PPM1E: variants seen among roughly 807,000 people sequenced by gnomAD.
PPM1E encodes the protein protein phosphatase 1E.
Under a neutral mutation model 65.9 loss-of-function variants are expected in PPM1E, and 20 were observed. The observed-to-expected ratio is 0.30, with a 90% CI of 0.21 to 0.44. The LOEUF (loss-of-function observed/expected upper bound fraction) is 0.44, where lower values mean the gene tolerates loss of function less well. PPM1E is among the 20% of genes least tolerant of loss of function. PPM1E has a pLI of 1.00. For missense variants in PPM1E, 713 were observed against 953.1 expected (o/e 0.75, Z 3.32); for synonymous variants, 352 against 374.9 (o/e 0.94, Z 0.70).
chr17:58,939,034 C>T (rs1312182826), intron 1 of PPM1E, among the ~76,000 whole-genome samples: 1 of 151,964 alleles, frequency 6.6e-6, no homozygotes, highest in Non-Finnish European at 1.5e-5. Flanking sequence ...GTAATCCACC[C>T]ACCTCAGCCT....
rs188427503 is a variant in PPM1E, at chr17:58,983,112, G to T, written c.*2081G>T. The T allele has an allele frequency of 1.2e-4, 69 of 558,584 alleles. No individual in the cohort carries two copies. The African/African-American group carries it at 1.3e-3, about 10-fold the overall frequency. The allele number at this position is 558,584 out of a possible 1,614,324, so 34.6% of individuals were successfully genotyped here. A position where few individuals can be genotyped will look rare whatever the true frequency, so the allele number is the denominator to read the frequency against. Reference sequence around the variant, plus strand: ...GGCTTTCTCAGTGGGGAAAAAAATGGCTGGATAGAACTGGGACAAACACAG... The same window carrying T: ...GGCTTTCTCAGTGGGGAAAAAAATGTCTGGATAGAACTGGGACAAACACAG... On this transcript the variant is annotated 3_prime_UTR_variant, in exon 7 of 7. Transcript: ENST00000308249.
At chr17:58,971,695 C>T (rs2030637061) in intron 4 of PPM1E, among the ~76,000 whole-genome samples, 1 of 152,122 alleles carries the variant, frequency 6.6e-6, no homozygotes, top group Non-Finnish European at 1.5e-5. Flanking sequence ...AGCTAGGACT[C>T]TCCCACTGAA....
intron 5 of PPM1E, among the ~76,000 whole-genome samples, chr17:58,972,575 T>G (rs964726510): frequency 5.3e-5 from 8 of 152,190 alleles, no homozygotes; most frequent in Non-Finnish European, 5.9e-5. Context: ...GGTCTTGAAC[T>G]CCTGACTTCA....
intron 1 of PPM1E, among the ~76,000 whole-genome samples, chr17:58,775,730 A>T (rs1772662665): frequency 6.6e-6 from 1 of 150,522 alleles, no homozygotes; most frequent in Non-Finnish European, 1.5e-5. Flanking sequence ...CTGGCTAACA[A>T]GGTGAAACCC....
intron 1 of PPM1E, among the ~76,000 whole-genome samples, chr17:58,927,377 G>A (rs916878025): frequency 6.6e-6 from 1 of 151,836 alleles, no homozygotes; most frequent in African/African-American, 2.4e-5. Flanking sequence ...TGATCTGCCC[G>A]CCTTGGCCTC....
At chr17:58,879,836 C>A (rs1456437873) in intron 1 of PPM1E, among the ~76,000 whole-genome samples, 1 of 152,084 alleles carries the variant, frequency 6.6e-6, no homozygotes, top group Non-Finnish European at 1.5e-5. Context: ...ATTTGGGCTT[C>A]AACTTTATTC....
chr17:58,833,471 CAT>C (rs2050624592), intron 1 of PPM1E, among the ~76,000 whole-genome samples: 1 of 151,710 alleles, frequency 6.6e-6, no homozygotes, highest in African/African-American at 2.4e-5. Flanking sequence ...TAAGTGAGAA[CAT>C]GTGGTATTTG....
At chr17:58,938,043 A>T (rs1247693836) in intron 1 of PPM1E, among the ~76,000 whole-genome samples, 2 of 152,174 alleles carry the variant, frequency 1.3e-5, no homozygotes, top group East Asian at 1.9e-4. Flanking sequence ...ATAAAGCAGA[A>T]TATTCCTAAT....
At chr17:58,979,904 G>A (rs754082008) in intron 6 of PPM1E, 70 bp from the exon 7 acceptor site, 8 of 1,211,694 alleles carry the variant, frequency 6.6e-6, no homozygotes, top group East Asian at 2.4e-5. Context: ...TCATGGCATT[G>A]GTCATAAACG....
chr17:58,782,011 T>C (rs1331842758), intron 1 of PPM1E, among the ~76,000 whole-genome samples: 1 of 152,216 alleles, frequency 6.6e-6, no homozygotes, highest in Non-Finnish European at 1.5e-5. Flanking sequence ...GTTATTTGTT[T>C]AGTAAATATA....
chr17:58,921,961 A>G (rs1598651028), intron 1 of PPM1E, among the ~76,000 whole-genome samples: 1 of 150,334 alleles, frequency 6.7e-6, no homozygotes, highest in African/African-American at 2.5e-5. Context: ...AATTGCTTGA[A>G]CCCGGGAGGC....
At chr17:58,894,547 C>T (rs2051388175) in intron 1 of PPM1E, among the ~76,000 whole-genome samples, 1 of 152,056 alleles carries the variant, frequency 6.6e-6, no homozygotes, top group Non-Finnish European at 1.5e-5. Flanking sequence ...GTGAAAATGT[C>T]ACCACAATAA....
intron 6 of PPM1E, among the ~76,000 whole-genome samples, chr17:58,979,506 T>C (rs2031237846): frequency 6.6e-6 from 1 of 152,232 alleles, no homozygotes; most frequent in Non-Finnish European, 1.5e-5. Context: ...ACAAAAATTA[T>C]TTAATGAAGA....
chr17:58,980,726 G>C lies in PPM1E; in HGVS notation c.1963G>C (p.Glu655Gln), dbSNP rs1210455611. 1.2e-6 allele frequency: 2 copies of C among 1,614,060 alleles called. No homozygotes were observed. The highest frequency in any genetic ancestry group is 4.5e-5 in the East Asian group (2 of 44,902). ...TCCTGTCTGTTCAGGGTTGGAAAATGAACAGTTCAAATCCCCGGGAAACAG... is the reference window on the plus strand; with the variant it reads ...TCCTGTCTGTTCAGGGTTGGAAAATCAACAGTTCAAATCCCCGGGAAACAG... ...LSPVCSGLENEQFKSPGNRVS... is the reference protein window; with the variant it reads ...LSPVCSGLENQQFKSPGNRVS... The change falls in exon 7 of 7, where the codon GAA (glutamate) becomes CAA (glutamine). Residue 655 changes from glutamate to glutamine, a missense_variant. Coordinates refer to ENST00000308249, the MANE Select transcript of PPM1E (RefSeq NM_014906.5). The surrounding 1 kb of genome is among the most constrained non-coding windows in gnomAD (Gnocchi z 4.7).
At chr17:58,827,059 T>C (rs1312319412) in intron 1 of PPM1E, among the ~76,000 whole-genome samples, 1 of 152,044 alleles carries the variant, frequency 6.6e-6, no homozygotes, top group Non-Finnish European at 1.5e-5. Context: ...TATTTAGATC[T>C]GCTGGCTAGG....
rs1473982904 is a variant in PPM1E at position 58,985,130 on chromosome 17, T to C, written c.*4099T>C. 2 of 152,662 alleles carry C rather than the reference T, an allele frequency of 1.3e-5. No homozygotes were observed. Among genetic ancestry groups the C allele is most frequent in the Admixed American group, 6.5e-5 (1 of 15,288 alleles). The allele number at this position is 152,662 out of a possible 1,614,324, so 9.5% of individuals were successfully genotyped here. A position where few individuals can be genotyped will look rare whatever the true frequency, so the allele number is the denominator to read the frequency against. On this transcript the variant is annotated 3_prime_UTR_variant, in exon 7 of 7. Transcript: ENST00000308249. ...AAAGTGTTCATTCAGGTAAGGTGTATGTTGAAATTTTGCCAATTATCTTAA... is the reference window on the plus strand; with the variant it reads ...AAAGTGTTCATTCAGGTAAGGTGTACGTTGAAATTTTGCCAATTATCTTAA...
chr17:58,774,157 T>TG (rs1232504889), intron 1 of PPM1E, among the ~76,000 whole-genome samples: 3 of 144,318 alleles, frequency 2.1e-5, no homozygotes, highest in Admixed American at 7.0e-5. Context: ...AGGGAAACTC[T>TG]GTCCCCCCCC....
intron 1 of PPM1E, among the ~76,000 whole-genome samples, chr17:58,876,704 G>T (rs116583628): frequency 0.014 from 2,178 of 152,136 alleles, 51 homozygotes; most frequent in African/African-American, 0.05. Context: ...AGTAGCTAAA[G>T]AAGACCTTGG....
chr17:58,864,727 G>C (rs942226281), intron 1 of PPM1E, among the ~76,000 whole-genome samples: 7 of 151,670 alleles, frequency 4.6e-5, no homozygotes, highest in Non-Finnish European at 7.4e-5. Context: ...CAGGAGGTCA[G>C]GTGTTCAAGA....
Sources: allele counts gnomAD v4.1 joint callset (sites outside exome capture counted in the v4.1 genomes callset), GRCh38; gene constraint gnomAD v4.1.1; non-coding constraint Gnocchi (gnomAD v3.1); transcripts MANE v1.5; gene names NCBI Gene and HGNC (gene_info 2026-07-23, HGNC 2026-07-21).